TADA1: variants seen among roughly 807,000 people sequenced by gnomAD.
The protein encoded by TADA1 is transcriptional adaptor 1.
A neutral mutation model predicts 39.3 loss-of-function variants in TADA1; 23 were observed. The ratio of observed to expected loss-of-function variants is 0.58; its 90% CI spans 0.42 to 0.83. The LOEUF (loss-of-function observed/expected upper bound fraction) is 0.83, where lower values mean the gene tolerates loss of function less well. TADA1 is among the 40% of genes least tolerant of loss of function. The pLI, the probability that TADA1 is intolerant of heterozygous loss-of-function variation, is 0.00. For missense variants in TADA1, 352 were observed against 408.1 expected, an observed-to-expected ratio of 0.86 and a Z score of 1.18; for synonymous variants, 137 against 151.8, an observed-to-expected ratio of 0.90 and a Z score of 0.72.
At chr1:166,859,051 G>GA (rs1409248939) in intron 6 of TADA1, among the ~76,000 whole-genome samples, 2 of 152,212 alleles carry the variant, frequency 1.3e-5, no homozygotes, top group Non-Finnish European at 2.9e-5. Context: ...TTCTAGAGAA[G>GA]AATGATCCCA....
intron 1 of TADA1, among the ~76,000 whole-genome samples, chr1:166,874,001 G>C (rs897882581): frequency 1.3e-5 from 2 of 151,568 alleles, no homozygotes; most frequent in African/African-American, 4.9e-5. Context: ...TCAAATATTT[G>C]TAAGCATTCT....
At chr1:166,864,039 TG>T (rs1557909112) in intron 3 of TADA1, 118 bp from the exon 4 acceptor site, 1 of 712,882 alleles carries the variant, frequency 1.4e-6, no homozygotes, top group African/African-American at 1.9e-5. Context: ...AACTAATGAA[TG>T]CTTAAATCAA....
chr1:166,862,655 A>G (rs1387323116), intron 4 of TADA1: 3 of 543,000 alleles, frequency 5.5e-6, no homozygotes, highest in Admixed American at 3.2e-5. Context: ...ATTCTATTCA[A>G]TTAATACCTT....
intron 3 of TADA1, among the ~76,000 whole-genome samples, chr1:166,867,089 CT>C (rs1051411136): frequency 1.7e-4 from 26 of 152,200 alleles, no homozygotes; most frequent in African/African-American, 6.0e-4. Context: ...GTTCTTTCAT[CT>C]GTTTTTTCAT....
chr1:166,866,189 G>A (rs966655988), intron 3 of TADA1, among the ~76,000 whole-genome samples: 1 of 152,240 alleles, frequency 6.6e-6, no homozygotes, highest in South Asian at 2.1e-4. Context: ...GCCAAGCGAA[G>A]CACGCTAAGG....
intron 1 of TADA1, among the ~76,000 whole-genome samples, chr1:166,872,035 A>G (rs1388699926): frequency 6.6e-6 from 1 of 152,242 alleles, no homozygotes; most frequent in African/African-American, 2.4e-5. Context: ...CCAAAGAGCT[A>G]GAACTAGCTA....
chr1:166,875,795 G>T (rs1022289345), intron 1 of TADA1, among the ~76,000 whole-genome samples: 1 of 152,218 alleles, frequency 6.6e-6, no homozygotes, highest in Non-Finnish European at 1.5e-5. Context: ...GGCTGGACGC[G>T]TAGGGCTCCG....
At chr1:166,861,834 C>G (rs998195533) in intron 5 of TADA1, among the ~76,000 whole-genome samples, 3 of 152,124 alleles carry the variant, frequency 2.0e-5, no homozygotes, top group Non-Finnish European at 2.9e-5. Context: ...GCGGGAAGAT[C>G]ACTTGAGCCC....
intron 1 of TADA1, among the ~76,000 whole-genome samples, chr1:166,872,246 G>A (rs1571243078): frequency 6.6e-6 from 1 of 152,296 alleles, no homozygotes; most frequent in East Asian, 1.9e-4. Context: ...CCTCACCAAT[G>A]GTTTGGTGTT....
chr1:166,865,774 G>A (rs1658517578), intron 3 of TADA1, among the ~76,000 whole-genome samples: 1 of 151,486 alleles, frequency 6.6e-6, no homozygotes, highest in African/African-American at 2.4e-5. Flanking sequence ...AGCCGAGAAA[G>A]CACCACTGCA....
chr1:166,872,673 C>CA (rs1031549785), intron 1 of TADA1, among the ~76,000 whole-genome samples: 328 of 139,888 alleles, frequency 2.3e-3, no homozygotes, highest in African/African-American at 4.4e-3. Context: ...ACTCTGTCTC[C>CA]AAAAAAAAAA....
intron 4 of TADA1, 102 bp from the exon 5 acceptor site, chr1:166,862,514 C>A: frequency 2.3e-6 from 2 of 869,442 alleles, no homozygotes; most frequent in Non-Finnish European, 3.7e-6. Flanking sequence ...TTAATGCCAC[C>A]AAAACTATAC....
chr1:166,868,441 G>A (rs182764197), intron 3 of TADA1, among the ~76,000 whole-genome samples: 4 of 143,498 alleles, frequency 2.8e-5, no homozygotes, highest in East Asian at 2.5e-4. Context: ...TCCCCACTAC[G>A]GACACCTTTC....
At position 166,862,090 on chromosome 1, in the gene TADA1, T is replaced by C. The variant is rs947798902; in HGVS notation, c.540+113A>G. The C allele has an allele frequency of 1.7e-5, 18 of 1,064,264 alleles. No homozygotes were observed. The African/African-American group carries it at 2.5e-4, about 15-fold the overall frequency. The allele number at this position is 1,064,264 out of a possible 1,614,324, so 65.9% of individuals were successfully genotyped here. A position where few individuals can be genotyped will look rare whatever the true frequency, so the allele number is the denominator to read the frequency against. On this transcript the variant is annotated intron_variant, in intron 5 of 7. Coordinates refer to ENST00000367874, the MANE Select transcript of TADA1 (RefSeq NM_053053.4). The stretch of plus-strand genomic sequence containing the variant: ...CAGAAAACAACTTCAACAATGACAA[T>C]TCTGTGAAATCAGAGTGACATTTGG...
At chr1:166,876,066 C>T in intron 1 of TADA1, 94 bp downstream of exon 1, 1 of 1,273,144 alleles carries the variant, frequency 7.9e-7, no homozygotes, top group South Asian at 1.5e-5. Context: ...CACAGGCCCC[C>T]GGGCGACGCG....
At chr1:166,858,325 T>C in intron 6 of TADA1, 44 bp from the exon 7 acceptor site, 4 of 1,464,534 alleles carry the variant, frequency 2.7e-6, no homozygotes, top group Non-Finnish European at 3.6e-6. Context: ...CAGAGACAAC[T>C]GAGCAACAAG....
chr1:166,869,636 C>A, intron 2 of TADA1, 126 bp from the exon 3 acceptor site: 2 of 1,116,694 alleles, frequency 1.8e-6, no homozygotes, highest in Non-Finnish European at 2.6e-6. Context: ...CTTAAAGTAT[C>A]CACATTATTA....
chr1:166,864,884 T>G (rs6677387), intron 3 of TADA1, among the ~76,000 whole-genome samples: 57,401 of 152,002 alleles, frequency 0.38, 10,972 homozygotes, highest in Middle Eastern at 0.49. Flanking sequence ...GTAGCTGGTA[T>G]GGATGTTGGT....
At chr1:166,875,969 C>G (rs938440450) in intron 1 of TADA1, among the ~76,000 whole-genome samples, 191 bp downstream of exon 1, 1 of 152,196 alleles carries the variant, frequency 6.6e-6, no homozygotes, top group African/African-American at 2.4e-5. Flanking sequence ...CCAGGAGGCC[C>G]GGTCTCTCCA....
Sources: allele counts gnomAD v4.1 joint callset (sites outside exome capture counted in the v4.1 genomes callset), GRCh38; gene constraint gnomAD v4.1.1; transcripts MANE v1.5; gene names NCBI Gene and HGNC (gene_info 2026-07-23, HGNC 2026-07-21).